The following ERC2 variants were observed in gnomAD, a reference collection of about 807,000 sequenced individuals.
ERC2 encodes ELKS/RAB6-interacting/CAST family member 2.
A neutral mutation model predicts 114.8 loss-of-function variants in ERC2; 42 were observed. The observed-to-expected ratio is 0.37, with a 90% CI of 0.29 to 0.47. ERC2 has a LOEUF of 0.47. Among genes scored for constraint, ERC2 ranks in the 20% least tolerant of loss-of-function variants. The pLI, the probability that ERC2 is intolerant of heterozygous loss-of-function variation, is 0.99. For missense variants in ERC2, 939 were observed against 1,150.7 expected, an observed-to-expected ratio of 0.82 and a Z score of 2.66; for synonymous variants, 454 against 425.5, an observed-to-expected ratio of 1.07 and a Z score of -0.82.
At chr3:56,446,230 G>T (rs2062555771) in intron 1 of ERC2, among the ~76,000 whole-genome samples, 1 of 152,176 alleles carries the variant, frequency 6.6e-6, no homozygotes, top group Admixed American at 6.5e-5. Flanking sequence ...GAAGGAATTA[G>T]CATAGCTCCA....
chr3:55,527,117 G>A (rs1169580946), intron 17 of ERC2, among the ~76,000 whole-genome samples: 1 of 152,240 alleles, frequency 6.6e-6, no homozygotes, highest in Non-Finnish European at 1.5e-5. Flanking sequence ...ATCAGTGAAT[G>A]AATGAAGACC....
chr3:55,999,053 T>C (rs969608571), intron 10 of ERC2, among the ~76,000 whole-genome samples: 7 of 152,116 alleles, frequency 4.6e-5, no homozygotes, highest in Non-Finnish European at 4.4e-5. Flanking sequence ...GTCTAAAGAT[T>C]TATTAAAATT....
chr3:55,822,573 T>C (rs1398505011), intron 14 of ERC2, among the ~76,000 whole-genome samples: 1 of 150,422 alleles, frequency 6.6e-6, no homozygotes, highest in Non-Finnish European at 1.5e-5. Flanking sequence ...TTTTTCTTTT[T>C]TTTTTTTTTG....
chr3:56,027,868 C>T (rs1267837563), intron 7 of ERC2, among the ~76,000 whole-genome samples: 2 of 152,102 alleles, frequency 1.3e-5, no homozygotes, highest in African/African-American at 4.8e-5. Flanking sequence ...GGTTTGTTGC[C>T]TAGTCCTAAA....
intron 14 of ERC2, among the ~76,000 whole-genome samples, chr3:55,866,821 T>C (rs1284096857): frequency 6.6e-6 from 1 of 152,130 alleles, no homozygotes; most frequent in African/African-American, 2.4e-5. Flanking sequence ...GAGAAATTAA[T>C]ACAGGAAGAA....
At chr3:56,274,514 GAA>G (rs11331987) in intron 3 of ERC2, among the ~76,000 whole-genome samples, 12 of 151,286 alleles carry the variant, frequency 7.9e-5, no homozygotes, top group South Asian at 6.3e-4. Context: ...GCATTTGGTT[GAA>G]AAAAAAAATC....
intron 14 of ERC2, among the ~76,000 whole-genome samples, chr3:55,801,787 A>G (rs756114936): frequency 6.6e-6 from 1 of 152,252 alleles, no homozygotes; most frequent in Non-Finnish European, 1.5e-5. Flanking sequence ...TGATAGCAGA[A>G]CCATTAAACC....
intron 14 of ERC2, among the ~76,000 whole-genome samples, chr3:55,764,621 GGATCTTA>G (rs2067654708): frequency 6.6e-6 from 1 of 152,186 alleles, no homozygotes; most frequent in Non-Finnish European, 1.5e-5. Flanking sequence ...TTAGGTCGTA[GGATCTTA>G]AAGTCTGAAT....
chr3:55,846,200 A>G (rs1321686794), intron 14 of ERC2, among the ~76,000 whole-genome samples: 2 of 152,158 alleles, frequency 1.3e-5, no homozygotes, highest in African/African-American at 4.8e-5. Context: ...CTTTGTATCA[A>G]TGTGTTCTCA....
At chr3:56,386,988 G>A (rs529710928) in intron 2 of ERC2, among the ~76,000 whole-genome samples, 5 of 152,304 alleles carry the variant, frequency 3.3e-5, no homozygotes, top group Admixed American at 1.3e-4. Flanking sequence ...AGAGGGACCT[G>A]CGTGGTTTTC....
chr3:56,455,813 A>C (rs2063036445), intron 1 of ERC2, among the ~76,000 whole-genome samples: 1 of 152,244 alleles, frequency 6.6e-6, no homozygotes, highest in Non-Finnish European at 1.5e-5. Flanking sequence ...TTCTATTTAA[A>C]TAACATCTCT....
At chr3:55,599,475 C>T (rs569431515) in intron 17 of ERC2, among the ~76,000 whole-genome samples, 1 of 152,298 alleles carries the variant, frequency 6.6e-6, no homozygotes, top group South Asian at 2.1e-4. Flanking sequence ...AATTATCACA[C>T]ATGTATTTAT....
At position 55,508,647 on chromosome 3, in the gene ERC2, C is replaced by T. The variant is rs1304877208; in HGVS notation, c.*2669G>A. ...TGGGCAGCATTCAATCGCCACTCTA[C>T]ACAAAAACATTGCAGATAGAGCTTA... On this transcript the variant is annotated 3_prime_UTR_variant, in exon 18 of 18. Transcript: ENST00000288221. 1 of 152,582 alleles carries T rather than the reference C, an allele frequency of 6.6e-6. No homozygotes were observed. Among genetic ancestry groups the T allele is most frequent in the Non-Finnish European group, 1.5e-5 (1 of 68,038 alleles). 9.5% of individuals were successfully genotyped at this position (152,582 alleles called of 1,614,324 possible). A position where few individuals can be genotyped will look rare whatever the true frequency, so the allele number is the denominator to read the frequency against.
At chr3:55,877,643 C>T (rs1335337524) in intron 14 of ERC2, among the ~76,000 whole-genome samples, 1 of 151,892 alleles carries the variant, frequency 6.6e-6, no homozygotes, top group African/African-American at 2.4e-5. Flanking sequence ...TCCCGAGTAG[C>T]TGGGACCACA....
At chr3:56,411,400 G>C (rs1239823803) in intron 2 of ERC2, among the ~76,000 whole-genome samples, 1 of 151,746 alleles carries the variant, frequency 6.6e-6, no homozygotes, top group African/African-American at 2.4e-5. Flanking sequence ...TAAAAAGACT[G>C]GGCCAAAAAT....
chr3:55,807,650 C>A (rs1348536247), intron 14 of ERC2, among the ~76,000 whole-genome samples: 1 of 152,132 alleles, frequency 6.6e-6, no homozygotes, highest in Non-Finnish European at 1.5e-5. Flanking sequence ...GTTTTCTAAT[C>A]CATCTGCTCG....
At chr3:56,245,941 T>C (rs532055094) in intron 3 of ERC2, among the ~76,000 whole-genome samples, 1 of 152,252 alleles carries the variant, frequency 6.6e-6, no homozygotes, top group African/African-American at 2.4e-5. Context: ...TTTTAGCAGC[T>C]TAATCCCCAA....
chr3:56,284,254 A>T (rs182297601), intron 3 of ERC2, among the ~76,000 whole-genome samples: 2 of 152,342 alleles, frequency 1.3e-5, no homozygotes, highest in Admixed American at 1.3e-4. Context: ...GGGTCAAAAA[A>T]TAAAGGTTTC....
chr3:56,367,263 C>CCTTTT (rs1560682480), intron 2 of ERC2, among the ~76,000 whole-genome samples: 2 of 143,100 alleles, frequency 1.4e-5, no homozygotes, highest in African/African-American at 5.6e-5. Flanking sequence ...CAATGGGCAG[C>CCTTTT]ATTTTTTTTT....
Sources: gnomAD v4.1 joint callset for allele counts (sites outside exome capture counted in the v4.1 genomes callset) on GRCh38, gnomAD v4.1.1 for gene constraint, MANE v1.5 for transcripts, NCBI Gene and HGNC (gene_info 2026-07-23, HGNC 2026-07-21) for gene names.